UBE2E2: variants seen among roughly 807,000 people sequenced by gnomAD.
UBE2E2 encodes the protein ubiquitin-conjugating enzyme E2 E2.
In UBE2E2, 6 loss-of-function variants were observed where a neutral mutation model predicts 24.7. The ratio of observed to expected loss-of-function variants is 0.24; its 90% CI spans 0.13 to 0.48. The LOEUF is 0.48. UBE2E2 is among the 20% of genes least tolerant of loss of function. The pLI, the probability that UBE2E2 is intolerant of heterozygous loss-of-function variation, is 0.99. For synonymous variants in UBE2E2, 104 were observed against 83.6 expected, an observed-to-expected ratio of 1.24 and a Z score of -1.33; for missense variants, 169 against 245.0, an observed-to-expected ratio of 0.69 and a Z score of 2.07.
chr3:23,475,852 G>C lies in UBE2E2; in HGVS notation c.228-23756G>C, dbSNP rs148405787. ...GTACATCATGCCTGTGCAGTAATTT[G>C]TGCTGTACCATCAAGATTGCTTTGA... On this transcript the variant is annotated intron_variant, in intron 3 of 5. Transcript: ENST00000396703. 3.2e-3 allele frequency among the ~76,000 whole-genome samples: 485 copies of C among 152,144 alleles called. 10 individuals carry two copies. Among genetic ancestry groups the C allele is most frequent in the African/African-American group, 0.011 (470 of 41,430 alleles).
At chr3:23,228,176 T>C (rs1358724775) in intron 3 of UBE2E2, among the ~76,000 whole-genome samples, 5 of 152,214 alleles carry the variant, frequency 3.3e-5, no homozygotes, top group African/African-American at 1.2e-4. Context: ...TTTAAAAATA[T>C]TTATTTGCTA....
intron 3 of UBE2E2, among the ~76,000 whole-genome samples, chr3:23,272,388 T>G (rs1698268202): frequency 6.6e-6 from 1 of 151,020 alleles, no homozygotes; most frequent in African/African-American, 2.4e-5. Flanking sequence ...TGCCTCTCCT[T>G]CCACACCTCC....
At chr3:23,572,467 G>A (rs955730914) in intron 5 of UBE2E2, among the ~76,000 whole-genome samples, 1 of 152,136 alleles carries the variant, frequency 6.6e-6, no homozygotes, top group African/African-American at 2.4e-5. Context: ...GGGTTCTGTT[G>A]ATCGTGTCAC....
At chr3:23,502,225 T>G (rs1442792559) in intron 4 of UBE2E2, among the ~76,000 whole-genome samples, 1 of 85,822 alleles carries the variant, frequency 1.2e-5, no homozygotes. Context: ...TATTTTTCTC[T>G]CTTTTGCTCT....
intron 3 of UBE2E2, among the ~76,000 whole-genome samples, chr3:23,361,101 G>A (rs1213975590): frequency 4.6e-5 from 7 of 152,092 alleles, no homozygotes; most frequent in Non-Finnish European, 1.0e-4. Context: ...TGATTATCGG[G>A]AAAACGCAAA....
chr3:23,246,553 T>A (rs559885273), intron 3 of UBE2E2, among the ~76,000 whole-genome samples: 77 of 151,946 alleles, frequency 5.1e-4, no homozygotes, highest in East Asian at 4.1e-3. Context: ...CTAATTTTTT[T>A]AAAATTTTTT....
At chr3:23,365,209 G>A (rs529423885) in intron 3 of UBE2E2, among the ~76,000 whole-genome samples, 62 of 152,126 alleles carry the variant, frequency 4.1e-4, no homozygotes, top group Non-Finnish European at 6.2e-4. Context: ...CTTGAGAACC[G>A]GAACAAGGCA....
At chr3:23,562,833 C>A (rs1009784304) in intron 5 of UBE2E2, among the ~76,000 whole-genome samples, 1 of 152,178 alleles carries the variant, frequency 6.6e-6, no homozygotes, top group Middle Eastern at 3.2e-3. Flanking sequence ...TCCATTTCTT[C>A]TAGATTTTCT....
Position 23,476,968 on chromosome 3 carries a change from A to C in UBE2E2, c.228-22640A>C, listed in dbSNP as rs773030456. On this transcript the variant is annotated intron_variant, in intron 3 of 5. Transcript: ENST00000396703. Reference sequence around the variant, plus strand: ...AAGTTCCTTATTGTTTCTTTTGTTGAAAATATTCTCTATCTTTATTTTAAC... The same window carrying C: ...AAGTTCCTTATTGTTTCTTTTGTTGCAAATATTCTCTATCTTTATTTTAAC... Among the ~76,000 whole-genome samples the C allele has an allele frequency of 3.3e-4, 50 of 152,232 alleles. 1 individual carries two copies. Among genetic ancestry groups the C allele is most frequent in the Admixed American group, 1.0e-3 (16 of 15,296 alleles).
At chr3:23,343,057 G>T (rs1695443211) in intron 3 of UBE2E2, among the ~76,000 whole-genome samples, 1 of 151,752 alleles carries the variant, frequency 6.6e-6, no homozygotes, top group South Asian at 2.1e-4. Flanking sequence ...CCTATATTGG[G>T]TCTTTAACTG....
chr3:23,436,303 C>T (rs1479120433), intron 3 of UBE2E2, among the ~76,000 whole-genome samples: 3 of 152,188 alleles, frequency 2.0e-5, no homozygotes, highest in Non-Finnish European at 4.4e-5. Context: ...ACTTTCATGA[C>T]TCCAGTGCCC....
At chr3:23,273,600 GA>G (rs905342248) in intron 3 of UBE2E2, among the ~76,000 whole-genome samples, 3 of 151,060 alleles carry the variant, frequency 2.0e-5, no homozygotes, top group African/African-American at 7.3e-5. Flanking sequence ...ACACTGATGA[GA>G]AAAAAAAATT....
At chr3:23,486,648 G>T (rs1418871005) in intron 3 of UBE2E2, among the ~76,000 whole-genome samples, 1 of 152,154 alleles carries the variant, frequency 6.6e-6, no homozygotes, top group African/African-American at 2.4e-5. Context: ...TGGAGGGTGA[G>T]CAAGACAGAG....
At chr3:23,525,880 A>G (rs562063851) in intron 4 of UBE2E2, among the ~76,000 whole-genome samples, 31 of 152,314 alleles carry the variant, frequency 2.0e-4, no homozygotes, top group African/African-American at 7.5e-4. Flanking sequence ...CTCAGCCTCT[A>G]AACTTCTCCT....
intron 2 of UBE2E2, among the ~76,000 whole-genome samples, chr3:23,215,459 C>T (rs992980954): frequency 6.6e-6 from 1 of 152,086 alleles, no homozygotes; most frequent in Non-Finnish European, 1.5e-5. Flanking sequence ...CACCTCACCC[C>T]CAATGTCTGA....
intron 4 of UBE2E2, among the ~76,000 whole-genome samples, chr3:23,509,300 C>G (rs1043993443): frequency 2.6e-5 from 4 of 152,140 alleles, no homozygotes; most frequent in African/African-American, 9.7e-5. Context: ...GGAACAGACA[C>G]CCTGTGTTGA....
chr3:23,339,498 TG>T (rs757741596), intron 3 of UBE2E2, among the ~76,000 whole-genome samples: 1 of 152,110 alleles, frequency 6.6e-6, no homozygotes, highest in Non-Finnish European at 1.5e-5. Flanking sequence ...GAAAGGGATA[TG>T]GGAATTCTTT....
intron 3 of UBE2E2, among the ~76,000 whole-genome samples, chr3:23,254,059 T>G (rs1202977307): frequency 2.0e-5 from 3 of 152,192 alleles, no homozygotes; most frequent in Admixed American, 6.5e-5. Context: ...AATGTGCTAT[T>G]GACATGAAAG....
At chr3:23,579,714 A>C (rs1351843611) in intron 5 of UBE2E2, among the ~76,000 whole-genome samples, 2 of 152,170 alleles carry the variant, frequency 1.3e-5, no homozygotes, top group African/African-American at 2.4e-5. Context: ...AAAAAAAAGA[A>C]AAAAGAATAC....
Sources: gnomAD v4.1 joint callset for allele counts (sites outside exome capture counted in the v4.1 genomes callset) on GRCh38, gnomAD v4.1.1 for gene constraint, MANE v1.5 for transcripts, NCBI Gene and HGNC (gene_info 2026-07-23, HGNC 2026-07-21) for gene names.